The following DNAAF4 variants were observed in gnomAD, a reference collection of about 807,000 sequenced individuals.
The protein encoded by DNAAF4 is dynein assembly factor 4, axonemal.
DNAAF4 carries 43 observed loss-of-function variants against 51.8 expected under a neutral mutation model. That is an observed-to-expected ratio of 0.83 (90% confidence interval 0.65 to 1.07). The LOEUF (loss-of-function observed/expected upper bound fraction) is 1.07. Among genes scored for constraint, DNAAF4 ranks in the 50% least tolerant of loss-of-function variants. The pLI is 0.00. For missense variants in DNAAF4, 581 were observed against 493.0 expected (o/e 1.18, Z -1.69); for synonymous variants, 194 against 165.6 (o/e 1.17, Z -1.32).
chr15:55,441,562 C>T lies in DNAAF4; in HGVS notation c.784-1981G>A, dbSNP rs59918927. Among the ~76,000 whole-genome samples the T allele has an allele frequency of 1.6e-4, 24 of 151,634 alleles. No individual in the cohort carries two copies. In the East Asian group the frequency reaches 3.9e-3, roughly 25 times the overall value. On this transcript the variant is annotated intron_variant, in intron 6 of 9. Coordinates refer to ENST00000321149, the MANE Select transcript of DNAAF4 (RefSeq NM_130810.4). Reference sequence around the variant, plus strand: ...GTATCTCCTAATGCTATCCCTCCCCCCTCCCACCACCCCACAACAGGCCCC... The same window carrying T: ...GTATCTCCTAATGCTATCCCTCCCCTCTCCCACCACCCCACAACAGGCCCC...
chr15:55,450,044 G>C (rs1286902081), intron 6 of DNAAF4, among the ~76,000 whole-genome samples, 178 bp downstream of exon 6: 1 of 151,920 alleles, frequency 6.6e-6, no homozygotes, highest in African/African-American at 2.4e-5. Flanking sequence ...CTATTCTGGA[G>C]CCAAAAACAT....
At chr15:55,498,108 T>G in intron 2 of DNAAF4, 99 bp downstream of exon 2, 1 of 1,581,234 alleles carries the variant, frequency 6.3e-7, no homozygotes, top group Admixed American at 2.0e-5. Context: ...TTAGGACGTT[T>G]ATCGGCAAAG....
chr15:55,452,390 C>T (rs2141466537), intron 5 of DNAAF4, among the ~76,000 whole-genome samples: 1 of 151,422 alleles, frequency 6.6e-6, no homozygotes. Context: ...GAAATCATCA[C>T]TATTATCCCA....
intron 4 of DNAAF4, among the ~76,000 whole-genome samples, chr15:55,487,907 A>T (rs529146407): frequency 6.6e-6 from 1 of 152,240 alleles, no homozygotes; most frequent in South Asian, 2.1e-4. Flanking sequence ...TCCAATCTTT[A>T]AATCTGGACT....
At chr15:55,484,552 A>C (rs1380857122) in intron 4 of DNAAF4, among the ~76,000 whole-genome samples, 1 of 152,150 alleles carries the variant, frequency 6.6e-6, no homozygotes, top group Non-Finnish European at 1.5e-5. Context: ...TCTAGATACA[A>C]GCCCAAAACA....
Position 55,435,052 on chromosome 15 carries a change from C to A in DNAAF4, c.900G>T (p.Leu300Phe). Residue 300 changes from leucine to phenylalanine, a missense_variant, in exon 8 of 10, where the codon TTG (leucine) becomes TTT (phenylalanine). Transcript: ENST00000321149. ...CTGCCAAATAGTTTTCCGTTGCAAA[C>A]AATTTGCTAATGAGACAAAAACAGA... ...PEWLKDKGNKLFATENYLAAI... is the reference protein window; with the variant it reads ...PEWLKDKGNKFFATENYLAAI... The A allele has an allele frequency of 6.3e-7, 1 of 1,585,184 alleles. No homozygotes were observed. Among genetic ancestry groups the A allele is most frequent in the Non-Finnish European group, 8.5e-7 (1 of 1,171,280 alleles).
At chr15:55,443,218 T>C (rs555062527) in intron 6 of DNAAF4, 6 of 1,609,386 alleles carry the variant, frequency 3.7e-6, no homozygotes, top group African/African-American at 1.3e-5. Flanking sequence ...GGGGACAGAA[T>C]AGTCCTTAAG....
chr15:55,443,039 A>G, intron 6 of DNAAF4: 1 of 1,611,104 alleles, frequency 6.2e-7, no homozygotes, highest in East Asian at 2.2e-5. Context: ...TGGGCCTGTG[A>G]CACTTGTTCT....
chr15:55,426,810 G>T (rs758375832), downstream of DNAAF4, among the ~76,000 whole-genome samples: 3 of 152,218 alleles, frequency 2.0e-5, no homozygotes, highest in Non-Finnish European at 2.9e-5. Flanking sequence ...TGGCAGGATA[G>T]GGAAGTCCTC....
chr15:55,420,960 G>A (rs749398526), intron 7 of DNAAF4, among the ~76,000 whole-genome samples: 9 of 151,900 alleles, frequency 5.9e-5, no homozygotes, highest in Non-Finnish European at 1.2e-4. Context: ...AGGCCGAGAC[G>A]GGCAGATCAC....
At chr15:55,435,215 T>A (rs980889262) in intron 7 of DNAAF4, among the ~76,000 whole-genome samples, 157 bp from the exon 8 acceptor site, 2 of 152,182 alleles carry the variant, frequency 1.3e-5, no homozygotes, top group Non-Finnish European at 2.9e-5. Flanking sequence ...TTTTCACATA[T>A]ACCAGCCTGT....
chr15:55,486,048 A>C (rs1043279135), intron 4 of DNAAF4, among the ~76,000 whole-genome samples: 24 of 151,582 alleles, frequency 1.6e-4, no homozygotes, highest in African/African-American at 5.6e-4. Context: ...GCGAAGAGGA[A>C]AAAAAAGCAC....
At chr15:55,498,897 G>C (rs2058675541) in intron 1 of DNAAF4, among the ~76,000 whole-genome samples, 1 of 141,536 alleles carries the variant, frequency 7.1e-6, no homozygotes, top group African/African-American at 2.8e-5. Context: ...GGAAACAAGA[G>C]CGAAACTCCG....
intron 3 of DNAAF4, among the ~76,000 whole-genome samples, chr15:55,494,641 A>C (rs531295579): frequency 2.0e-5 from 3 of 152,006 alleles, no homozygotes; most frequent in Middle Eastern, 6.8e-3. Flanking sequence ...CAAACTCCTG[A>C]CCTCAGGTGA....
At chr15:55,504,208 T>A (rs2058714425) in intron 1 of DNAAF4, among the ~76,000 whole-genome samples, 1 of 152,036 alleles carries the variant, frequency 6.6e-6, no homozygotes, top group South Asian at 2.1e-4. Flanking sequence ...GGAATCCAAC[T>A]TACAAGGGAT....
chr15:55,492,872 A>G (rs1197859167), intron 3 of DNAAF4, among the ~76,000 whole-genome samples: 1 of 152,162 alleles, frequency 6.6e-6, no homozygotes, highest in Admixed American at 6.6e-5. Flanking sequence ...TTCTTTATTA[A>G]TGCATTAATA....
At chr15:55,479,422 A>G (rs2141550656) in intron 4 of DNAAF4, among the ~76,000 whole-genome samples, 1 of 152,226 alleles carries the variant, frequency 6.6e-6, no homozygotes, top group Non-Finnish European at 1.5e-5. Flanking sequence ...TAAGCTGAGG[A>G]TGTATGTCAC....
chr15:55,491,145 T>A lies in DNAAF4; in HGVS notation c.383A>T (p.Tyr128Phe). 1 of 1,614,126 alleles carries A rather than the reference T, an allele frequency of 6.2e-7. No homozygotes were observed. Among genetic ancestry groups the A allele is most frequent in the Non-Finnish European group, 8.5e-7 (1 of 1,180,016 alleles). Residue 128 changes from tyrosine to phenylalanine, a missense_variant, in exon 4 of 10, where the codon TAC becomes TTC. Coordinates refer to ENST00000321149, the MANE Select transcript of DNAAF4 (RefSeq NM_130810.4). ...TACCTTCATCATGACACTTAGTGCG[T>A]ATTTTTGATCTTCCCGCTTTGCTGC... ...KAAAKREDQK[Y>F]ALSVMMKIEE...
chr15:55,503,849 C>T (rs150356216), intron 1 of DNAAF4, among the ~76,000 whole-genome samples: 6,087 of 152,160 alleles, frequency 0.04, 405 homozygotes, highest in African/African-American at 0.14. Flanking sequence ...GAAGCATTCC[C>T]TTTGAAAACC....
Sources: gnomAD v4.1 joint callset for allele counts (sites outside exome capture counted in the v4.1 genomes callset) on GRCh38, gnomAD v4.1.1 for gene constraint, MANE v1.5 for transcripts, NCBI Gene and HGNC (gene_info 2026-07-23, HGNC 2026-07-21) for gene names.